TPTE: variants seen among roughly 807,000 people sequenced by gnomAD.
TPTE encodes putative tyrosine-protein phosphatase TPTE.
In TPTE, 59 loss-of-function variants were observed where a neutral mutation model predicts 84.1. The observed-to-expected ratio is 0.70, with a 90% CI of 0.57 to 0.87. The LOEUF (loss-of-function observed/expected upper bound fraction) is 0.87, where lower values mean the gene tolerates loss of function less well. Ranked by LOEUF, TPTE falls within the 40% of genes least tolerant of loss-of-function variation. The pLI, the probability that TPTE is intolerant of heterozygous loss-of-function variation, is 0.00. For missense variants in TPTE, 382 were observed against 659.6 expected, an observed-to-expected ratio of 0.58 and a Z score of 4.61; for synonymous variants, 130 against 223.5, an observed-to-expected ratio of 0.58 and a Z score of 3.73.
At chr21:10,561,236 T>C in intron 10 of TPTE, 45 bp downstream of exon 10, 1 of 1,605,490 alleles carries the variant, frequency 6.2e-7, no homozygotes, top group Middle Eastern at 2.3e-4. Flanking sequence ...CTTTGTAGTT[T>C]TATAAGAAGC....
At chr21:10,545,635 TAC>T (rs3049867) in intron 7 of TPTE, among the ~76,000 whole-genome samples, 130 of 151,066 alleles carry the variant, frequency 8.6e-4, no homozygotes, top group East Asian at 6.2e-3. Flanking sequence ...AGGATCTATC[TAC>T]ACACACACAC....
intron 14 of TPTE, among the ~76,000 whole-genome samples, chr21:10,571,902 G>T (rs12483076): frequency 0.018 from 2,659 of 147,840 alleles, no homozygotes; most frequent in Middle Eastern, 0.065. Flanking sequence ...CTACTTGGGA[G>T]GCTGAGACAT....
intron 3 of TPTE, among the ~76,000 whole-genome samples, chr21:10,536,026 C>T (rs1484588817): frequency 6.6e-6 from 1 of 152,304 alleles, no homozygotes; most frequent in Admixed American, 6.5e-5. Flanking sequence ...ATCTGTAATC[C>T]CAGCACTTTG....
intron 10 of TPTE, among the ~76,000 whole-genome samples, chr21:10,562,128 A>G (rs2074818478): frequency 6.6e-6 from 1 of 152,308 alleles, no homozygotes; most frequent in Non-Finnish European, 1.5e-5. Flanking sequence ...GATCTTGTCC[A>G]AGACCATTAA....
chr21:10,569,658 A>G (rs771030783), intron 12 of TPTE, 25 bp from the exon 13 acceptor site: 2 of 1,614,036 alleles, frequency 1.2e-6, no homozygotes, highest in Admixed American at 3.3e-5. Flanking sequence ...TGTTTCACAA[A>G]CTAATGACGA....
intron 5 of TPTE, among the ~76,000 whole-genome samples, chr21:10,541,441 C>T (rs369593255): frequency 2.8e-3 from 425 of 152,126 alleles, no homozygotes; most frequent in Middle Eastern, 0.021. Flanking sequence ...CCGCTGCATT[C>T]CACCCTGGGC....
chr21:10,543,327 A>G lies in TPTE; in HGVS notation c.120-2A>G. The G allele has an allele frequency of 1.9e-6, 3 of 1,613,950 alleles. No homozygotes were observed. Among genetic ancestry groups the G allele is most frequent in the Non-Finnish European group, 2.5e-6 (3 of 1,179,884 alleles). ...TGACTGTATTCTTTTATCATCCTCT[A>G]GCCCACACACAAGTGAATTTAAAGG... On this transcript the variant is annotated splice_acceptor_variant, in intron 6 of 23. Transcript: ENST00000618007. LOFTEE classifies it high-confidence loss of function.
intron 1 of TPTE, among the ~76,000 whole-genome samples, chr21:10,524,321 G>C (rs1407827062): frequency 6.6e-6 from 1 of 152,418 alleles, no homozygotes; most frequent in South Asian, 2.1e-4. Flanking sequence ...ATACCCAGCT[G>C]GGGGGACCAC....
intron 13 of TPTE, 78 bp from the exon 14 acceptor site, chr21:10,570,407 T>A: frequency 6.2e-7 from 1 of 1,607,782 alleles, no homozygotes; most frequent in Non-Finnish European, 8.5e-7. Flanking sequence ...TGGAATCTGA[T>A]CATGTATAAA....
intron 2 of TPTE, among the ~76,000 whole-genome samples, chr21:10,526,246 G>C (rs1439283207): frequency 3.3e-5 from 5 of 152,308 alleles, no homozygotes; most frequent in Non-Finnish European, 7.3e-5. Context: ...TTCCCCTCAT[G>C]GCCCTCAGAC....
chr21:10,597,195 C>T (rs1281633277), intron 20 of TPTE, among the ~76,000 whole-genome samples: 1 of 152,300 alleles, frequency 6.6e-6, no homozygotes, highest in African/African-American at 2.4e-5. Context: ...AAGCCTTTGT[C>T]TGTAAATATA....
chr21:10,539,203 C>T (rs570484071), intron 4 of TPTE, among the ~76,000 whole-genome samples: 12 of 152,424 alleles, frequency 7.9e-5, no homozygotes, highest in Admixed American at 4.6e-4. Context: ...CTATTTGCAA[C>T]ATGGAGGAGA....
rs1252534610 is a variant in TPTE, at chr21:10,598,040, A to T, written c.1302A>T (p.Gln434His). The T allele has an allele frequency of 6.2e-7, 1 of 1,613,702 alleles. No homozygotes were observed. The highest frequency in any genetic ancestry group is 1.1e-5 in the South Asian group (1 of 91,080). ...IPRYVRDLKI[Q>H]IEMEKKVVFS... Reference sequence around the variant, plus strand: ...GTTATGTACGTGATCTAAAAATCCAAATAGAAATGGAGAAAAAGGTTGTCT... The same window carrying T: ...GTTATGTACGTGATCTAAAAATCCATATAGAAATGGAGAAAAAGGTTGTCT... Residue 434 changes from glutamine (Q) to histidine (H), a missense_variant, in exon 21 of 24, where the codon CAA becomes CAT. By Grantham distance (24) the Gln-to-His change is conservative. Around this residue, in one of 10 missense-constraint regions of TPTE, gnomAD observed 36 missense variants for 36.3 expected, o/e 0.99. Transcript: ENST00000618007.
intron 10 of TPTE, among the ~76,000 whole-genome samples, chr21:10,566,523 G>T (rs962181162): frequency 8.5e-5 from 13 of 152,294 alleles, no homozygotes; most frequent in Non-Finnish European, 1.9e-4. Flanking sequence ...CCACAAAAAA[G>T]GAAATCACTA....
rs1209204660 is a variant in TPTE, at chr21:10,603,483, TAAAG to T, written c.1450-74_1450-71del. 131 of 1,368,930 alleles carry T rather than the reference TAAAG, an allele frequency of 9.6e-5. No homozygotes were observed. The Admixed American group carries it at 1.0e-3, about 11-fold the overall frequency. 84.8% of individuals were successfully genotyped at this position (1,368,930 alleles called of 1,614,324 possible). A position where few individuals can be genotyped will look rare whatever the true frequency, so the allele number is the denominator to read the frequency against. On this transcript the variant is annotated intron_variant, in intron 22 of 23. Coordinates refer to ENST00000618007, the MANE Select transcript of TPTE (RefSeq NM_199261.4). The stretch of plus-strand genomic sequence containing the variant: ...ATTGTTTGATAAATATAAAAAAGAA[TAAAG>T]AAAGGAACTTCAATTTCTTTGGAAT...
intron 17 of TPTE, among the ~76,000 whole-genome samples, chr21:10,583,626 T>C (rs1194004818): frequency 1.3e-5 from 2 of 152,312 alleles, no homozygotes; most frequent in African/African-American, 2.4e-5. Flanking sequence ...AGTTTGTGTT[T>C]TTGTGTCCTG....
intron 4 of TPTE, among the ~76,000 whole-genome samples, chr21:10,540,510 TCCTGCTTGCAG>T (rs1286454851): frequency 1.4e-4 from 22 of 152,412 alleles, no homozygotes; most frequent in East Asian, 5.8e-4. Flanking sequence ...GAGAAGCGAA[TCCTGCTTGCAG>T]GGAGAAGGAG....
At chr21:10,547,182 C>G (rs1287689756) in intron 7 of TPTE, among the ~76,000 whole-genome samples, 4 of 152,304 alleles carry the variant, frequency 2.6e-5, no homozygotes, top group South Asian at 2.1e-4. Context: ...CTAAATCAAG[C>G]AAGATGGGTG....
intron 7 of TPTE, among the ~76,000 whole-genome samples, chr21:10,545,809 G>C (rs1046927801): frequency 3.3e-5 from 5 of 151,692 alleles, no homozygotes; most frequent in African/African-American, 1.2e-4. Context: ...ATTTAAATGT[G>C]TGTATATATA....
Sources: gnomAD v4.1 joint callset for allele counts (sites outside exome capture counted in the v4.1 genomes callset) on GRCh38, gnomAD v4.1.1 for gene constraint, gnomAD v4.1.1 regional missense constraint, MANE v1.5 for transcripts, NCBI Gene and HGNC (gene_info 2026-07-23, HGNC 2026-07-21) for gene names.